The following EIF2AK4 variants were observed in gnomAD, a reference collection of about 807,000 sequenced individuals.
EIF2AK4 encodes the protein eukaryotic translation initiation factor 2 alpha kinase 4.
EIF2AK4 carries 139 observed loss-of-function variants against 211.1 expected under a neutral mutation model. The observed-to-expected ratio is 0.66, with a 90% CI of 0.57 to 0.76. The LOEUF (loss-of-function observed/expected upper bound fraction) is 0.76. Ranked by LOEUF, EIF2AK4 falls within the 30% of genes least tolerant of loss-of-function variation. The probability of loss-of-function intolerance (pLI) is 0.00; values close to 1 mark genes in which losing one functional copy is unlikely to be tolerated. For missense variants in EIF2AK4, 1,664 were observed against 2,043.8 expected, an observed-to-expected ratio of 0.81 and a Z score of 3.58; for synonymous variants, 710 against 751.3, an observed-to-expected ratio of 0.94 and a Z score of 0.90.
chr15:40,015,281 A>G (rs2035289499), intron 27 of EIF2AK4, among the ~76,000 whole-genome samples: 1 of 152,208 alleles, frequency 6.6e-6, no homozygotes, highest in Admixed American at 6.5e-5. Context: ...TCGTGCTGCT[A>G]ATAAAGACAT....
intron 1 of EIF2AK4, among the ~76,000 whole-genome samples, chr15:39,934,707 C>T (rs985535886): frequency 6.6e-6 from 1 of 152,200 alleles, no homozygotes; most frequent in Non-Finnish European, 1.5e-5. Context: ...TCATACGCGC[C>T]CCTTGCTACT....
chr15:40,008,463 T>C (rs2035192035), intron 25 of EIF2AK4, among the ~76,000 whole-genome samples: 1 of 152,192 alleles, frequency 6.6e-6, no homozygotes, highest in Non-Finnish European at 1.5e-5. Flanking sequence ...ATTCCTAAGA[T>C]GCTCTTAGCC....
chr15:40,017,601 A>G (rs910859983), intron 29 of EIF2AK4, among the ~76,000 whole-genome samples: 2 of 140,250 alleles, frequency 1.4e-5, no homozygotes, highest in Admixed American at 7.4e-5. Context: ...CTGGAGTGCA[A>G]TGGCGCAATC....
chr15:39,937,457 G>A (rs2034081970), intron 1 of EIF2AK4, among the ~76,000 whole-genome samples: 1 of 151,672 alleles, frequency 6.6e-6, no homozygotes. Flanking sequence ...TTATTTGTAA[G>A]AGCTAAATAT....
intron 7 of EIF2AK4, among the ~76,000 whole-genome samples, 185 bp from the exon 8 acceptor site, chr15:39,965,501 C>T (rs188847973): frequency 8.5e-5 from 13 of 152,282 alleles, no homozygotes; most frequent in African/African-American, 3.1e-4. Flanking sequence ...TATTTTAGGA[C>T]TCAGGTATAT....
intron 14 of EIF2AK4, 86 bp downstream of exon 14, chr15:39,985,974 G>A: frequency 8.5e-7 from 1 of 1,178,864 alleles, no homozygotes; most frequent in Non-Finnish European, 1.2e-6. Flanking sequence ...ACAAGATAAT[G>A]GACAGAGGAG....
At chr15:39,989,662 T>C (rs961079731) in intron 15 of EIF2AK4, among the ~76,000 whole-genome samples, 6 of 152,214 alleles carry the variant, frequency 3.9e-5, no homozygotes, top group Non-Finnish European at 4.4e-5. Context: ...AGAATTTACC[T>C]TCATGTAATG....
chr15:39,951,082 C>T (rs940865159), intron 4 of EIF2AK4, among the ~76,000 whole-genome samples: 3 of 152,106 alleles, frequency 2.0e-5, no homozygotes, highest in Non-Finnish European at 2.9e-5. Flanking sequence ...TACCTTTTGA[C>T]CCCATAGGAA....
Position 40,002,754 on chromosome 15 carries a change from G to A in EIF2AK4, c.3201G>A (p.Val1067=), listed in dbSNP as rs1381307558. ...SIRTAKMQQH[V]CETIIRIFKR... ...GTACAGCCAAGATGCAGCAGCATGT[G>A]TGTGAAACCATCATCCGCATCTTTA... Residue 1067 remains valine (V), a synonymous_variant, in exon 22 of 39, where the codon GTG becomes GTA. Coordinates refer to ENST00000263791, the MANE Select transcript of EIF2AK4 (RefSeq NM_001013703.4). 5 of 1,614,230 alleles carry A rather than the reference G, an allele frequency of 3.1e-6. No individual in the cohort carries two copies. The highest frequency in any genetic ancestry group is 2.2e-5 in the South Asian group (2 of 91,082).
At chr15:40,002,813 A>G (rs2035110876) in intron 22 of EIF2AK4, 25 bp downstream of exon 22, 3 of 1,612,262 alleles carry the variant, frequency 1.9e-6, no homozygotes, top group Non-Finnish European at 1.7e-6. Context: ...TTTAAAAATG[A>G]TATTTCTTCT....
At position 40,032,218 on chromosome 15, in the gene EIF2AK4, GTGAAAT is replaced by G. The variant is rs1197725535; in HGVS notation, c.4717_4722del (p.Glu1573_Ile1574del). On this transcript the variant is annotated inframe_deletion, in exon 36 of 39. Transcript: ENST00000263791. ...CTTGCCAACTTACATCAGAAAAGCA[GTGAAAT>G]TGAAATTCTGGCTGTAAGTGGCTTT... The G allele has an allele frequency of 6.2e-7, 1 of 1,614,180 alleles. No individual in the cohort carries two copies. Among genetic ancestry groups the G allele is most frequent in the Non-Finnish European group, 8.5e-7 (1 of 1,179,994 alleles).
intron 21 of EIF2AK4, 128 bp downstream of exon 21, chr15:40,001,352 G>C: frequency 1.1e-6 from 1 of 908,362 alleles, no homozygotes; most frequent in Middle Eastern, 3.4e-4. Flanking sequence ...GCCCCTAAAA[G>C]TACATGCAAA....
intron 23 of EIF2AK4, among the ~76,000 whole-genome samples, chr15:40,005,951 C>T (rs1161949146): frequency 6.6e-6 from 1 of 150,956 alleles, no homozygotes; most frequent in African/African-American, 2.4e-5. Context: ...TGGATCCAAC[C>T]GAGGATGGAA....
At chr15:40,034,751 CATA>C (rs2035591909) in intron 38 of EIF2AK4, among the ~76,000 whole-genome samples, 1 of 152,144 alleles carries the variant, frequency 6.6e-6, no homozygotes, top group Admixed American at 6.5e-5. Context: ...GTCCTTATGT[CATA>C]ATGCCAATCA....
chr15:40,024,989 A>G (rs182090986), intron 32 of EIF2AK4, among the ~76,000 whole-genome samples: 1 of 152,276 alleles, frequency 6.6e-6, no homozygotes. Flanking sequence ...AAGTTCTCCA[A>G]GGGTCCCTCA....
In EIF2AK4 at chr15:39,934,312, A is replaced by G. The variant is rs774854435; in HGVS notation, c.117A>G (p.Gln39=). 3.7e-6 allele frequency: 6 copies of G among 1,611,492 alleles called. No homozygotes were observed. Among genetic ancestry groups the G allele is most frequent in the Middle Eastern group, 1.6e-4 (1 of 6,076 alleles). ...AGGCCATTTACGGCGCGGACTTCCA[A>G]GACCTGCGGCCGGACGCTTGCGGAC... ...ALEAIYGADF[Q]DLRPDACGPV... The change falls in exon 1 of 39, where the codon CAA becomes CAG. Residue 39 remains glutamine, a synonymous_variant. Coordinates refer to ENST00000263791, the MANE Select transcript of EIF2AK4 (RefSeq NM_001013703.4).
intron 5 of EIF2AK4, 46 bp downstream of exon 5, chr15:39,954,030 A>G (rs1208206132): frequency 5.4e-6 from 8 of 1,489,954 alleles, no homozygotes; most frequent in Non-Finnish European, 7.2e-6. Flanking sequence ...TGCAAAACAA[A>G]GTGTTTTTAT....
At chr15:39,940,584 C>T (rs1467754189) in intron 2 of EIF2AK4, among the ~76,000 whole-genome samples, 3 of 151,954 alleles carry the variant, frequency 2.0e-5, no homozygotes, top group African/African-American at 7.3e-5. Context: ...GTATACTATA[C>T]ATACTATAAA....
intron 30 of EIF2AK4, 112 bp downstream of exon 30, chr15:40,019,312 G>A (rs771139876): frequency 1.5e-5 from 12 of 774,800 alleles, no homozygotes; most frequent in South Asian, 6.2e-5. Flanking sequence ...AGCTATAGAC[G>A]TAGGGTTTTG....
Sources: allele counts gnomAD v4.1 joint callset (sites outside exome capture counted in the v4.1 genomes callset), GRCh38; gene constraint gnomAD v4.1.1; transcripts MANE v1.5; gene names NCBI Gene and HGNC (gene_info 2026-07-23, HGNC 2026-07-21).